Variants in SGCG observed in about 807,000 individuals in gnomAD.
SGCG encodes the protein gamma-sarcoglycan.
A neutral mutation model predicts 29.3 loss-of-function variants in SGCG; 26 were observed. The ratio of observed to expected loss-of-function variants is 0.89; its 90% CI spans 0.65 to 1.23. The LOEUF is 1.23. Ranked by LOEUF, SGCG falls within the 50% of genes most tolerant of loss-of-function variation. The pLI is 0.00. For synonymous variants in SGCG, 145 were observed against 129.7 expected (o/e 1.12, Z -0.80); for missense variants, 353 against 356.0 (o/e 0.99, Z 0.07).
intron 6 of SGCG, among the ~76,000 whole-genome samples, chr13:23,296,006 C>T (rs886914207): frequency 1.3e-5 from 2 of 152,206 alleles, no homozygotes; most frequent in Non-Finnish European, 2.9e-5. Context: ...CCCCCCTCCC[C>T]GAGGAGACCT....
intron 4 of SGCG, 106 bp from the exon 5 acceptor site, chr13:23,279,253 G>C: frequency 4.6e-6 from 5 of 1,084,428 alleles, no homozygotes; most frequent in Non-Finnish European, 6.9e-6. Context: ...CAAATACCAA[G>C]TCTTTAGATA....
chr13:23,204,907 G>A (rs1877929060), intron 2 of SGCG, among the ~76,000 whole-genome samples: 1 of 151,316 alleles, frequency 6.6e-6, no homozygotes, highest in African/African-American at 2.4e-5. Flanking sequence ...TATAGTTCTA[G>A]CCAGTAGATA....
chr13:23,306,933 C>A (rs1882382859), intron 6 of SGCG, among the ~76,000 whole-genome samples: 1 of 152,088 alleles, frequency 6.6e-6, no homozygotes, highest in African/African-American at 2.4e-5. Context: ...GCTGTTAAAT[C>A]CAGAATGTGA....
the SGCG span, among the ~76,000 whole-genome samples, chr13:23,166,035 T>G: frequency 1.3e-5 from 2 of 152,156 alleles, no homozygotes; most frequent in Non-Finnish European, 2.9e-5. Flanking sequence ...TTTATTTCCT[T>G]TTCCTGTCCT....
chr13:23,316,869 G>T, intron 6 of SGCG, among the ~76,000 whole-genome samples: 1 of 152,188 alleles, frequency 6.6e-6, no homozygotes, highest in Middle Eastern at 3.2e-3. Context: ...AGGCTAAGAA[G>T]GGAGTTCCAA....
chr13:23,320,690 T>TTCAAGC lies in SGCG; in HGVS notation c.636_641dup (p.Gln212_Ala213dup). ...ATGGATGCCCCAAGGGGTGTGCATATTCAAGCTCACGCTGGGAAAATTGAG... is the reference window on the plus strand; with the variant it reads ...ATGGATGCCCCAAGGGGTGTGCATATTCAAGCTCAAGCTCACGCTGGGAAAATTGAG... On this transcript the variant is annotated inframe_insertion, in exon 7 of 8. Coordinates refer to ENST00000218867, the MANE Select transcript of SGCG (RefSeq NM_000231.3). The TTCAAGC allele has an allele frequency of 6.2e-7, 1 of 1,610,792 alleles. No individual in the cohort carries two copies. The highest frequency in any genetic ancestry group is 1.1e-5 in the South Asian group (1 of 90,704).
the SGCG span, chr13:23,170,692 C>T: frequency 6.6e-5 from 10 of 152,386 alleles, no homozygotes; most frequent in African/African-American, 2.4e-4. Flanking sequence ...GGTATCCAGG[C>T]ACACATTTTC....
At chr13:23,174,941 C>T in the SGCG span, among the ~76,000 whole-genome samples, 20 of 152,126 alleles carry the variant, frequency 1.3e-4, no homozygotes, top group South Asian at 1.2e-3. Flanking sequence ...GGGCTGGAGA[C>T]GAGAGCGGCG....
At chr13:23,181,958 T>A (rs555631835) in intron 1 of SGCG, among the ~76,000 whole-genome samples, 1 of 152,326 alleles carries the variant, frequency 6.6e-6, no homozygotes, top group Admixed American at 6.5e-5. Context: ...TTTGTGGAAT[T>A]TAAAAAGTAA....
At chr13:23,204,582 CTT>C in intron 2 of SGCG, among the ~76,000 whole-genome samples, 1 of 2,378 alleles carries the variant, frequency 4.2e-4, no homozygotes, top group Non-Finnish European at 1.2e-3. Flanking sequence ...TGCACAGGCT[CTT>C]TCTTTTCTTT....
the SGCG span, among the ~76,000 whole-genome samples, chr13:23,164,884 C>T: frequency 6.6e-6 from 1 of 152,144 alleles, no homozygotes; most frequent in Non-Finnish European, 1.5e-5. Context: ...CCAGTGACAC[C>T]CTCCATCTGG....
intron 4 of SGCG, among the ~76,000 whole-genome samples, chr13:23,278,816 G>A (rs1668323476): frequency 6.6e-6 from 1 of 152,212 alleles, no homozygotes; most frequent in Non-Finnish European, 1.5e-5. Context: ...TGTCTTAGGG[G>A]AAGGGCAAAA....
At chr13:23,256,160 A>G (rs1210098187) in intron 4 of SGCG, among the ~76,000 whole-genome samples, 2 of 152,228 alleles carry the variant, frequency 1.3e-5, no homozygotes, top group Non-Finnish European at 2.9e-5. Context: ...AATAAATGCA[A>G]AATTAATTAG....
the SGCG span, among the ~76,000 whole-genome samples, chr13:23,166,925 A>G: frequency 6.6e-6 from 1 of 151,958 alleles, no homozygotes; most frequent in Non-Finnish European, 1.5e-5. Context: ...ATCCAATTAT[A>G]CTCTTTTTAT....
At chr13:23,322,958 A>C (rs1213916530) in intron 7 of SGCG, among the ~76,000 whole-genome samples, 1 of 152,048 alleles carries the variant, frequency 6.6e-6, no homozygotes, top group Non-Finnish European at 1.5e-5. Context: ...TTGCTTAATT[A>C]TGTCATAGGG....
chr13:23,182,811 G>A (rs892043540), intron 1 of SGCG, among the ~76,000 whole-genome samples: 3 of 152,286 alleles, frequency 2.0e-5, no homozygotes, highest in African/African-American at 2.4e-5. Context: ...GCCCAAAGGC[G>A]TTTGTGCTTC....
intron 1 of SGCG, among the ~76,000 whole-genome samples, chr13:23,195,200 G>A (rs868782856): frequency 2.6e-5 from 4 of 152,148 alleles, no homozygotes; most frequent in South Asian, 4.1e-4. Context: ...ACTTGTTAAT[G>A]TTTCTGGATG....
chr13:23,237,336 C>T (rs191453068), intron 3 of SGCG, among the ~76,000 whole-genome samples: 62 of 152,226 alleles, frequency 4.1e-4, no homozygotes, highest in African/African-American at 1.4e-3. Flanking sequence ...GAAACAAATA[C>T]GTGGTAATAA....
At chr13:23,316,022 A>G (rs540438058) in intron 6 of SGCG, among the ~76,000 whole-genome samples, 36 of 152,324 alleles carry the variant, frequency 2.4e-4, no homozygotes, top group African/African-American at 7.5e-4. Flanking sequence ...CAAAGTGGCC[A>G]TGGTGGCAGG....
Sources: gnomAD v4.1 joint callset for allele counts (sites outside exome capture counted in the v4.1 genomes callset) on GRCh38, gnomAD v4.1.1 for gene constraint, MANE v1.5 for transcripts, NCBI Gene and HGNC (gene_info 2026-07-23, HGNC 2026-07-21) for gene names.